Variants in CASP6 observed in about 807,000 individuals in gnomAD.
CASP6 encodes the protein caspase 6, also known as caspase-6.
Under a neutral mutation model 31.8 loss-of-function variants are expected in CASP6, and 20 were observed. The ratio of observed to expected loss-of-function variants is 0.63; its 90% CI spans 0.44 to 0.91. The LOEUF is 0.91. CASP6 is among the 40% of genes least tolerant of loss of function. The probability of loss-of-function intolerance (pLI) is 0.00; values close to 1 mark genes in which losing one functional copy is unlikely to be tolerated. For missense variants in CASP6, 328 were observed against 361.1 expected (o/e 0.91, Z 0.74); for synonymous variants, 130 against 127.8 (o/e 1.02, Z -0.12).
chr4:109,672,053 A>C, the CASP6 span, among the ~76,000 whole-genome samples: 1 of 151,958 alleles, frequency 6.6e-6, no homozygotes, highest in African/African-American at 2.4e-5. Flanking sequence ...TGAGGAGAGG[A>C]ATCATTCTAT....
downstream of CASP6, chr4:109,685,340 C>A (rs1729815473): frequency 6.4e-7 from 1 of 1,563,916 alleles, no homozygotes; most frequent in Non-Finnish European, 8.8e-7. Context: ...TGCAGCAATA[C>A]AACAAGTTAA....
At chr4:109,693,761 CAG>C (rs1256877484) in intron 5 of CASP6, among the ~76,000 whole-genome samples, 42 of 142,598 alleles carry the variant, frequency 2.9e-4, no homozygotes, top group Admixed American at 2.5e-3. Context: ...TTTTTTTAGA[CAG>C]AGTCTCGCTC....
At chr4:109,677,611 A>G in the CASP6 span, among the ~76,000 whole-genome samples, 1 of 152,106 alleles carries the variant, frequency 6.6e-6, no homozygotes, top group African/African-American at 2.4e-5. Context: ...TGTCGTTATC[A>G]TGGGAGTGTG....
chr4:109,700,605 G>A (rs1214177146), intron 1 of CASP6, among the ~76,000 whole-genome samples: 1 of 151,846 alleles, frequency 6.6e-6, no homozygotes, highest in Admixed American at 6.6e-5. Context: ...GTTTTTTGTT[G>A]TTGTTGTTGT....
intron 5 of CASP6, among the ~76,000 whole-genome samples, chr4:109,694,214 G>A (rs1389650358): frequency 1.3e-5 from 2 of 152,094 alleles, no homozygotes; most frequent in Admixed American, 6.5e-5. Flanking sequence ...TGCCTTGTGC[G>A]GCACTCTTCA....
intron 4 of CASP6, among the ~76,000 whole-genome samples, chr4:109,695,023 G>T (rs1730194014): frequency 6.6e-6 from 1 of 152,058 alleles, no homozygotes; most frequent in Non-Finnish European, 1.5e-5. Context: ...TAGAGACGGG[G>T]TTTTGCCATG....
chr4:109,668,111 CTGT>C, the CASP6 span, among the ~76,000 whole-genome samples: 1 of 152,008 alleles, frequency 6.6e-6, no homozygotes, highest in Admixed American at 6.6e-5. Flanking sequence ...GTGTATTGTG[CTGT>C]TGTTGGATAG....
intron 5 of CASP6, chr4:109,692,035 A>C (rs1029695101): frequency 3.3e-5 from 5 of 152,234 alleles, no homozygotes; most frequent in African/African-American, 9.6e-5. Context: ...CCAGCCAATA[A>C]GATTCTGTTG....
At chr4:109,669,680 C>A in the CASP6 span, among the ~76,000 whole-genome samples, 1 of 149,154 alleles carries the variant, frequency 6.7e-6, no homozygotes, top group Admixed American at 6.7e-5. Flanking sequence ...TCCTAAAGTT[C>A]TTAGATGTTC....
downstream of CASP6, among the ~76,000 whole-genome samples, chr4:109,686,235 T>C (rs549828282): frequency 6.6e-6 from 1 of 152,296 alleles, no homozygotes; most frequent in South Asian, 2.1e-4. Context: ...CCTCCTGGGT[T>C]CAAGTGATTC....
chr4:109,705,817 T>TC (rs1314321054), upstream of CASP6, among the ~76,000 whole-genome samples: 1 of 149,332 alleles, frequency 6.7e-6, no homozygotes, highest in East Asian at 2.0e-4. Flanking sequence ...TCTACAATTT[T>TC]TTTTTTTTTT....
chr4:109,698,185 T>A, intron 2 of CASP6, 115 bp downstream of exon 2: 1 of 1,096,806 alleles, frequency 9.1e-7, no homozygotes, highest in Non-Finnish European at 1.3e-6. Flanking sequence ...AGGCTAAAAC[T>A]TGGCCTACTC....
intron 1 of CASP6, 60 bp from the exon 2 acceptor site, chr4:109,698,402 G>T: frequency 7.0e-7 from 1 of 1,434,732 alleles, no homozygotes; most frequent in South Asian, 1.2e-5. Flanking sequence ...AAATATAGTA[G>T]GAACTCCCAT....
At chr4:109,681,118 C>G in the CASP6 span, among the ~76,000 whole-genome samples, 1 of 152,128 alleles carries the variant, frequency 6.6e-6, no homozygotes, top group African/African-American at 2.4e-5. Context: ...AAGAAGAAAA[C>G]AAACAGTAGT....
At chr4:109,704,001 A>T (rs1730523480), upstream of CASP6, among the ~76,000 whole-genome samples, 1 of 152,112 alleles carries the variant, frequency 6.6e-6, no homozygotes, top group Non-Finnish European at 1.5e-5. Flanking sequence ...TATTATTGCA[A>T]TTGTTTTGGG....
chr4:109,703,341 A>G lies in CASP6; in HGVS notation c.40+15T>C, dbSNP rs984722829. The G allele has an allele frequency of 1.2e-6, 2 of 1,605,916 alleles. No individual in the cohort carries two copies. Among genetic ancestry groups the G allele is most frequent in the Non-Finnish European group, 1.7e-6 (2 of 1,176,766 alleles). On this transcript the variant is annotated intron_variant, in intron 1 of 6. Transcript: ENST00000265164. ...CGCAGACCTGCTCGGTGCCCAGTCGACGCCCCCTGCCTACCTGCCGGGTGC... is the reference window on the plus strand; with the variant it reads ...CGCAGACCTGCTCGGTGCCCAGTCGGCGCCCCCTGCCTACCTGCCGGGTGC...
At chr4:109,679,131 A>C in the CASP6 span, among the ~76,000 whole-genome samples, 1 of 104,304 alleles carries the variant, frequency 9.6e-6, no homozygotes, top group African/African-American at 3.8e-5. Context: ...CCCAGACGGG[A>C]TGGCCGGGCA....
In CASP6 at chr4:109,690,780, A is replaced by G; in HGVS notation, c.643+70T>C. On this transcript the variant is annotated intron_variant, in intron 6 of 6. Transcript: ENST00000265164. ...CCAACCGAAAGATCTGACCCAAACC[A>G]ATCAAAGGTGAAACTTACAGGACCT... 4 of 1,498,220 alleles carry G rather than the reference A, an allele frequency of 2.7e-6. 1 individual carries two copies. In the South Asian group the frequency reaches 5.3e-5, roughly 20 times the overall value. 92.8% of individuals were successfully genotyped at this position (1,498,220 alleles called of 1,614,324 possible).
At chr4:109,703,263 C>T (rs1320534861) in intron 1 of CASP6, 93 bp downstream of exon 1, 3 of 1,430,404 alleles carry the variant, frequency 2.1e-6, no homozygotes, top group African/African-American at 1.4e-5. Context: ...GGCCCCACTC[C>T]GGTCCGCGCG....
Sources: gnomAD v4.1 joint callset for allele counts (sites outside exome capture counted in the v4.1 genomes callset) on GRCh38, gnomAD v4.1.1 for gene constraint, MANE v1.5 for transcripts, NCBI Gene and HGNC (gene_info 2026-07-23, HGNC 2026-07-21) for gene names.